Variants in CNBD1 observed in about 807,000 individuals in gnomAD.
CNBD1 encodes the protein cyclic nucleotide-binding domain-containing protein 1.
In CNBD1, 71 loss-of-function variants were observed where a neutral mutation model predicts 54.4. The observed-to-expected ratio is 1.30, with a 90% confidence interval of 1.08 to 1.59. CNBD1 has a LOEUF of 1.59. Among genes scored for constraint, CNBD1 ranks in the 40% most tolerant of loss-of-function variants. The probability of loss-of-function intolerance (pLI) is 0.00; values close to 1 mark genes in which losing one functional copy is unlikely to be tolerated. For synonymous variants in CNBD1, 182 were observed against 170.7 expected (o/e 1.07, Z -0.51); for missense variants, 659 against 518.0 (o/e 1.27, Z -2.64).
intron 8 of CNBD1, among the ~76,000 whole-genome samples, chr8:87,287,779 C>A (rs1297873898): frequency 6.6e-6 from 1 of 151,986 alleles, no homozygotes; most frequent in Non-Finnish European, 1.5e-5. Flanking sequence ...TCTAATAAAC[C>A]ACTTAAATTT....
At chr8:87,224,024 G>T (rs12216745) in intron 5 of CNBD1, among the ~76,000 whole-genome samples, 1 of 151,758 alleles carries the variant, frequency 6.6e-6, no homozygotes, top group Admixed American at 6.6e-5. Context: ...GTGTTTTTTG[G>T]CTGCATAAAT....
intron 4 of CNBD1, among the ~76,000 whole-genome samples, chr8:87,084,954 G>A (rs1019569195): frequency 1.4e-4 from 22 of 152,244 alleles, no homozygotes; most frequent in Admixed American, 9.8e-4. Context: ...GATTACAGGC[G>A]TGAGCCACTA....
intron 4 of CNBD1, among the ~76,000 whole-genome samples, chr8:87,128,756 G>A (rs1411490945): frequency 6.6e-6 from 1 of 151,564 alleles, no homozygotes; most frequent in Non-Finnish European, 1.5e-5. Flanking sequence ...TTTATATATT[G>A]TTGGATTTGC....
chr8:87,388,165 T>C (rs190840687), intron 2 of CNBD1, among the ~76,000 whole-genome samples: 2,603 of 151,828 alleles, frequency 0.017, 88 homozygotes, highest in African/African-American at 0.057. Flanking sequence ...AGATCTAAAA[T>C]TGACACCCTA....
chr8:87,416,635 TTTG>T (rs1807841250), intron 2 of CNBD1, among the ~76,000 whole-genome samples: 3 of 152,164 alleles, frequency 2.0e-5, no homozygotes, highest in South Asian at 2.1e-4. Context: ...ACCTTGGAAG[TTTG>T]TTGTTGTTAT....
intron 2 of CNBD1, among the ~76,000 whole-genome samples, chr8:87,409,586 G>A (rs1017294138): frequency 1.3e-5 from 2 of 152,086 alleles, no homozygotes; most frequent in Non-Finnish European, 2.9e-5. Context: ...TTTCATAGCA[G>A]GAGAAGAGAA....
At chr8:87,010,883 A>T (rs1375220617) in intron 4 of CNBD1, among the ~76,000 whole-genome samples, 1 of 152,108 alleles carries the variant, frequency 6.6e-6, no homozygotes, top group Non-Finnish European at 1.5e-5. Context: ...GTGTGTTTCT[A>T]GTCCAGATTT....
At chr8:87,128,895 A>C (rs566108672) in intron 4 of CNBD1, among the ~76,000 whole-genome samples, 1 of 149,078 alleles carries the variant, frequency 6.7e-6, no homozygotes, top group East Asian at 2.0e-4. Context: ...CATCCTGGCC[A>C]ACATGGTGAA....
At chr8:87,046,425 G>A (rs886068025) in intron 4 of CNBD1, among the ~76,000 whole-genome samples, 1 of 152,140 alleles carries the variant, frequency 6.6e-6, no homozygotes, top group African/African-American at 2.4e-5. Flanking sequence ...TTTCTAGAAA[G>A]GAGCACAGAT....
At chr8:87,416,430 G>T (rs1285680518) in intron 2 of CNBD1, among the ~76,000 whole-genome samples, 2 of 151,930 alleles carry the variant, frequency 1.3e-5, no homozygotes. Flanking sequence ...GAACTTTGTG[G>T]AGTTTTAGCT....
chr8:87,138,339 C>T (rs1175196983), intron 4 of CNBD1, among the ~76,000 whole-genome samples: 1 of 152,176 alleles, frequency 6.6e-6, no homozygotes, highest in Non-Finnish European at 1.5e-5. Context: ...GTAATCTAAG[C>T]TCTCTACCCA....
chr8:87,389,687 T>G (rs1811268047), intron 2 of CNBD1, among the ~76,000 whole-genome samples: 1 of 152,142 alleles, frequency 6.6e-6, no homozygotes, highest in African/African-American at 2.4e-5. Context: ...CAAGGTAATT[T>G]ATAGATTCAA....
intron 4 of CNBD1, among the ~76,000 whole-genome samples, chr8:87,082,853 A>G (rs1042746928): frequency 5.3e-5 from 8 of 152,096 alleles, no homozygotes; most frequent in African/African-American, 1.7e-4. Flanking sequence ...TTGATTTTAA[A>G]ATGATTCCAT....
At chr8:87,170,521 T>G (rs1813063969) in intron 4 of CNBD1, among the ~76,000 whole-genome samples, 1 of 138,684 alleles carries the variant, frequency 7.2e-6, no homozygotes, top group Non-Finnish European at 1.7e-5. Context: ...AGGCTTGCAG[T>G]TTTTCCCAAT....
At chr8:87,251,563 G>A (rs1028687497) in intron 6 of CNBD1, among the ~76,000 whole-genome samples, 31 of 143,628 alleles carry the variant, frequency 2.2e-4, no homozygotes, top group African/African-American at 8.1e-4. Context: ...ACTCCAGCCT[G>A]TACAACAAGA....
Position 86,868,743 on chromosome 8 carries a change from G to A in CNBD1, c.88+2160G>A, listed in dbSNP as rs1586099077. Among the ~76,000 whole-genome samples, 3 of 152,140 alleles carry A rather than the reference G, an allele frequency of 2.0e-5. No individual in the cohort carries two copies. In the South Asian group the frequency reaches 6.3e-4, roughly 32 times the overall value. ...TTTCTTACAAGAACTCTATGTCTTC[G>A]GTGGACAGAATTAACGGTCCCAGTG... On this transcript the variant is annotated intron_variant, in intron 1 of 10. Transcript: ENST00000518476.
intron 4 of CNBD1, among the ~76,000 whole-genome samples, chr8:86,976,039 C>G (rs1378193676): frequency 6.6e-6 from 1 of 151,622 alleles, no homozygotes; most frequent in Non-Finnish European, 1.5e-5. Context: ...TGAAAAATGT[C>G]TATCCCAGTC....
intron 2 of CNBD1, among the ~76,000 whole-genome samples, chr8:87,421,656 T>C (rs1315695992): frequency 6.6e-6 from 1 of 151,866 alleles, no homozygotes. Context: ...TGCCACATTT[T>C]CTTAATCCAG....
chr8:87,292,047 G>T (rs1808797339), intron 8 of CNBD1, among the ~76,000 whole-genome samples: 1 of 152,094 alleles, frequency 6.6e-6, no homozygotes, highest in Non-Finnish European at 1.5e-5. Flanking sequence ...GTACATCTGG[G>T]TTGTATTAAC....
Sources: allele counts gnomAD v4.1 joint callset (sites outside exome capture counted in the v4.1 genomes callset), GRCh38; gene constraint gnomAD v4.1.1; transcripts MANE v1.5; gene names NCBI Gene and HGNC (gene_info 2026-07-23, HGNC 2026-07-21).